Variants in CPQ observed in about 807,000 individuals in gnomAD.
The protein encoded by CPQ is Ser-Met dipeptidase.
Under a neutral mutation model 45.7 loss-of-function variants are expected in CPQ, and 37 were observed. The ratio of observed to expected loss-of-function variants is 0.81; its 90% CI spans 0.62 to 1.07. The LOEUF (loss-of-function observed/expected upper bound fraction) is 1.07. CPQ is among the 50% of genes least tolerant of loss of function. The probability of loss-of-function intolerance (pLI) is 0.00; values close to 1 mark genes in which losing one functional copy is unlikely to be tolerated. For missense variants in CPQ, 537 were observed against 572.9 expected (o/e 0.94, Z 0.64); for synonymous variants, 186 against 205.8 (o/e 0.90, Z 0.82).
chr8:96,780,973 G>A (rs1810678148), intron 1 of CPQ, among the ~76,000 whole-genome samples: 1 of 152,018 alleles, frequency 6.6e-6, no homozygotes, highest in African/African-American at 2.4e-5. Context: ...TAAGGTTGAA[G>A]TAGTTGTTGG....
At chr8:96,803,443 T>G (rs1302778050) in intron 2 of CPQ, among the ~76,000 whole-genome samples, 2 of 152,208 alleles carry the variant, frequency 1.3e-5, no homozygotes, top group African/African-American at 4.8e-5. Flanking sequence ...TATTAATACC[T>G]TTTGTATATG....
chr8:96,859,038 AT>A (rs1317361319), intron 3 of CPQ, among the ~76,000 whole-genome samples: 1 of 152,050 alleles, frequency 6.6e-6, no homozygotes, highest in African/African-American at 2.4e-5. Context: ...TATGCCTAAT[AT>A]TTTTTTGTTT....
intron 3 of CPQ, among the ~76,000 whole-genome samples, chr8:96,838,966 T>C (rs1811568615): frequency 6.6e-6 from 1 of 152,050 alleles, no homozygotes; most frequent in Admixed American, 6.6e-5. Context: ...AACAAAGATG[T>C]TTTGAGTTGC....
At chr8:96,753,753 GA>G (rs1332735166) in intron 1 of CPQ, among the ~76,000 whole-genome samples, 1 of 151,770 alleles carries the variant, frequency 6.6e-6, no homozygotes, top group Non-Finnish European at 1.5e-5. Flanking sequence ...ATTCTCTTTT[GA>G]AATAGTTGTA....
chr8:96,907,595 A>G (rs569052422), intron 4 of CPQ, among the ~76,000 whole-genome samples: 2 of 152,216 alleles, frequency 1.3e-5, no homozygotes, highest in East Asian at 3.9e-4. Flanking sequence ...GGAGCCAATT[A>G]CTACTTTTTA....
chr8:96,724,317 A>G (rs1809805870), intron 1 of CPQ, among the ~76,000 whole-genome samples: 1 of 152,144 alleles, frequency 6.6e-6, no homozygotes, highest in African/African-American at 2.4e-5. Context: ...ATGTGTGAAT[A>G]TAACAGCTTG....
At chr8:96,781,319 A>G (rs539941508) in intron 1 of CPQ, among the ~76,000 whole-genome samples, 1 of 152,314 alleles carries the variant, frequency 6.6e-6, no homozygotes, top group Non-Finnish European at 1.5e-5. Context: ...AAAGTCCAAG[A>G]TTGAGGGGCC....
At chr8:96,853,563 ATT>A (rs71569187) in intron 3 of CPQ, among the ~76,000 whole-genome samples, 124 of 145,960 alleles carry the variant, frequency 8.5e-4, no homozygotes, top group Middle Eastern at 3.5e-3. Flanking sequence ...ACTGGGCATG[ATT>A]TTTTTTTTTT....
At chr8:97,112,266 G>C (rs181672093) in intron 7 of CPQ, among the ~76,000 whole-genome samples, 2 of 151,408 alleles carry the variant, frequency 1.3e-5, no homozygotes, top group East Asian at 3.9e-4. Flanking sequence ...AGGAGATATA[G>C]ACACTCAACG....
intron 1 of CPQ, among the ~76,000 whole-genome samples, chr8:96,691,749 G>A (rs1460520241): frequency 6.6e-6 from 1 of 152,132 alleles, no homozygotes; most frequent in East Asian, 1.9e-4. Context: ...ATAAGCTTGG[G>A]TAGAAGTTAG....
chr8:96,956,382 A>AT (rs1488572311), intron 4 of CPQ, among the ~76,000 whole-genome samples: 12 of 151,238 alleles, frequency 7.9e-5, no homozygotes, highest in Non-Finnish European at 1.8e-4. Context: ...TTTTCGGACC[A>AT]TTTTTTTTGA....
chr8:96,730,769 G>C (rs1411260011), intron 1 of CPQ, among the ~76,000 whole-genome samples: 1 of 150,600 alleles, frequency 6.6e-6, no homozygotes, highest in Non-Finnish European at 1.5e-5. Flanking sequence ...TGTCTCAGGT[G>C]TGGCCAGGGC....
intron 1 of CPQ, among the ~76,000 whole-genome samples, chr8:96,720,177 CTCT>C (rs1163051082): frequency 6.6e-6 from 1 of 152,146 alleles, no homozygotes; most frequent in African/African-American, 2.4e-5. Flanking sequence ...AACATATTTT[CTCT>C]TAATTCCTTG....
chr8:96,793,387 G>C (rs1810878299), intron 2 of CPQ, among the ~76,000 whole-genome samples: 1 of 152,014 alleles, frequency 6.6e-6, no homozygotes, highest in South Asian at 2.1e-4. Flanking sequence ...CAAGAGAAGA[G>C]AGCTTGTGCA....
chr8:96,663,887 T>C (rs1808886706), intron 1 of CPQ, among the ~76,000 whole-genome samples: 1 of 152,098 alleles, frequency 6.6e-6, no homozygotes, highest in South Asian at 2.1e-4. Flanking sequence ...GAAGGCAATA[T>C]TGGAGAAGAA....
chr8:97,068,748 A>AT (rs1234717871), intron 7 of CPQ, among the ~76,000 whole-genome samples: 7 of 152,212 alleles, frequency 4.6e-5, no homozygotes, highest in Non-Finnish European at 4.4e-5. Context: ...CAACCATCCT[A>AT]TGAAGGAGGT....
intron 3 of CPQ, among the ~76,000 whole-genome samples, chr8:96,844,778 CA>C (rs1811662257): frequency 6.6e-6 from 1 of 152,164 alleles, no homozygotes; most frequent in South Asian, 2.1e-4. Context: ...CCTCAGTGTT[CA>C]AAGACTCAAA....
At chr8:97,061,834 C>T (rs1165672398) in intron 6 of CPQ, among the ~76,000 whole-genome samples, 1 of 152,056 alleles carries the variant, frequency 6.6e-6, no homozygotes, top group Non-Finnish European at 1.5e-5. Context: ...TAGTTATGCC[C>T]TAGCCTTTAC....
At chr8:96,716,520 A>G (rs1008930371) in intron 1 of CPQ, among the ~76,000 whole-genome samples, 3 of 151,818 alleles carry the variant, frequency 2.0e-5, no homozygotes, top group Non-Finnish European at 4.4e-5. Flanking sequence ...CCACTATATC[A>G]CTCTTAGGCC....
Sources: gnomAD v4.1 joint callset for allele counts (sites outside exome capture counted in the v4.1 genomes callset) on GRCh38, gnomAD v4.1.1 for gene constraint, MANE v1.5 for transcripts, NCBI Gene and HGNC (gene_info 2026-07-23, HGNC 2026-07-21) for gene names.